Variants in FAM13A observed in about 807,000 individuals in gnomAD.
FAM13A encodes family with sequence similarity 13 member A.
A neutral mutation model predicts 129.6 loss-of-function variants in FAM13A; 76 were observed. The ratio of observed to expected loss-of-function variants is 0.59; its 90% CI spans 0.49 to 0.71. The LOEUF (loss-of-function observed/expected upper bound fraction) is 0.71. FAM13A is among the 30% of genes least tolerant of loss of function. The probability of loss-of-function intolerance (pLI) is 0.00; values close to 1 mark genes in which losing one functional copy is unlikely to be tolerated. For synonymous variants in FAM13A, 443 were observed against 449.9 expected (o/e 0.98, Z 0.20); for missense variants, 1,108 against 1,249.3 (o/e 0.89, Z 1.70).
intron 4 of FAM13A, among the ~76,000 whole-genome samples, chr4:88,950,231 A>G (rs913682572): frequency 6.6e-6 from 1 of 151,248 alleles, no homozygotes; most frequent in African/African-American, 2.4e-5. Context: ...TTTAAGAGAC[A>G]AGGTCTTGTT....
chr4:88,796,105 T>C (rs1405333996), intron 8 of FAM13A, among the ~76,000 whole-genome samples: 1 of 151,894 alleles, frequency 6.6e-6, no homozygotes, highest in African/African-American at 2.4e-5. Context: ...TATAACTTCT[T>C]ATTCTGAATG....
intron 8 of FAM13A, among the ~76,000 whole-genome samples, chr4:88,799,738 C>A (rs527252163): frequency 5.3e-5 from 8 of 152,236 alleles, no homozygotes; most frequent in Non-Finnish European, 1.2e-4. Flanking sequence ...CCGCCTTGGC[C>A]TCCCAAAGTG....
chr4:88,804,462 T>C (rs946881781), intron 8 of FAM13A, among the ~76,000 whole-genome samples: 1 of 152,134 alleles, frequency 6.6e-6, no homozygotes, highest in African/African-American at 2.4e-5. Context: ...GAAAACCCTA[T>C]CAGTACAGCA....
At chr4:88,793,569 GT>G (rs1725595630) in intron 8 of FAM13A, among the ~76,000 whole-genome samples, 1 of 151,964 alleles carries the variant, frequency 6.6e-6, no homozygotes, top group Non-Finnish European at 1.5e-5. Context: ...AGAAAAGAAA[GT>G]TCTGGTCTTG....
At chr4:88,876,702 C>T (rs1407111517) in intron 6 of FAM13A, among the ~76,000 whole-genome samples, 1 of 152,140 alleles carries the variant, frequency 6.6e-6, no homozygotes, top group Non-Finnish European at 1.5e-5. Context: ...TGCCATTCTC[C>T]TGCCTCGGCC....
rs1736380730 is a variant in FAM13A, at chr4:88,726,004, G to GAAAT, written c.*2525_*2528dup. On this transcript the variant is annotated 3_prime_UTR_variant, in exon 24 of 24. Transcript: ENST00000264344. Reference sequence around the variant, plus strand: ...AATTCTTAAGTTTACTTACACTTATGAAATAACTCTTGACATTTATTTTGT... The same window carrying GAAAT: ...AATTCTTAAGTTTACTTACACTTATGAAATAAATAACTCTTGACATTTATTTTGT... The GAAAT allele has an allele frequency of 6.6e-6, 1 of 152,198 alleles. No individual in the cohort carries two copies. Among genetic ancestry groups the GAAAT allele is most frequent in the Non-Finnish European group, 1.5e-5 (1 of 68,036 alleles). The allele number at this position is 152,198 out of a possible 1,614,324, so 9.4% of individuals were successfully genotyped here. A position where few individuals can be genotyped will look rare whatever the true frequency, so the allele number is the denominator to read the frequency against.
At chr4:89,007,590 G>A (rs906062971) in intron 3 of FAM13A, among the ~76,000 whole-genome samples, 2 of 152,156 alleles carry the variant, frequency 1.3e-5, no homozygotes, top group Non-Finnish European at 2.9e-5. Flanking sequence ...CAGAAACTGT[G>A]AGAGAAGATA....
chr4:88,926,897 G>C (rs1269574811), intron 5 of FAM13A, among the ~76,000 whole-genome samples: 2 of 151,956 alleles, frequency 1.3e-5, no homozygotes, highest in African/African-American at 2.4e-5. Context: ...ATATAATTAG[G>C]GGGACAGGTG....
intron 5 of FAM13A, among the ~76,000 whole-genome samples, chr4:88,912,392 T>C (rs1220867904): frequency 2.0e-5 from 3 of 152,054 alleles, no homozygotes; most frequent in Non-Finnish European, 4.4e-5. Context: ...CCTTTGGACT[T>C]TGGACTTGCA....
At chr4:88,911,120 G>A (rs551485620) in intron 5 of FAM13A, among the ~76,000 whole-genome samples, 6 of 152,276 alleles carry the variant, frequency 3.9e-5, no homozygotes, top group Admixed American at 2.6e-4. Flanking sequence ...CAAGCCCCTT[G>A]TGCATTCCTC....
At chr4:88,924,239 T>C (rs1436546695) in intron 5 of FAM13A, among the ~76,000 whole-genome samples, 11 of 152,156 alleles carry the variant, frequency 7.2e-5, no homozygotes, top group Non-Finnish European at 1.3e-4. Flanking sequence ...AGAGCCCGCA[T>C]CGCCAAGTCA....
At chr4:88,887,538 T>C (rs1008881795) in intron 6 of FAM13A, among the ~76,000 whole-genome samples, 2 of 150,468 alleles carry the variant, frequency 1.3e-5, no homozygotes, top group African/African-American at 2.4e-5. Context: ...TTCTTTCTTT[T>C]TTTTTTTTTT....
chr4:89,039,796 T>G (rs1415052090), intron 1 of FAM13A, among the ~76,000 whole-genome samples: 1 of 151,822 alleles, frequency 6.6e-6, no homozygotes, highest in African/African-American at 2.4e-5. Context: ...CAAAAAAAAT[T>G]TTTTTTAATT....
intron 6 of FAM13A, among the ~76,000 whole-genome samples, chr4:88,882,296 C>T (rs1445574306): frequency 6.6e-6 from 1 of 152,106 alleles, no homozygotes; most frequent in Non-Finnish European, 1.5e-5. Flanking sequence ...AGCAGAATCC[C>T]TACAAGCTAG....
intron 1 of FAM13A, among the ~76,000 whole-genome samples, chr4:89,052,886 A>G (rs1771787819): frequency 6.6e-6 from 1 of 152,162 alleles, no homozygotes; most frequent in Admixed American, 6.5e-5. Flanking sequence ...AGGAGAAACC[A>G]AGGGGGAGGA....
intron 6 of FAM13A, among the ~76,000 whole-genome samples, chr4:88,885,213 A>G (rs1438473919): frequency 2.6e-5 from 4 of 152,176 alleles, no homozygotes; most frequent in Admixed American, 2.6e-4. Context: ...ATCCAAAACT[A>G]AGCAAAAAGA....
At chr4:88,971,858 G>C (rs987825701) in intron 4 of FAM13A, among the ~76,000 whole-genome samples, 3 of 152,128 alleles carry the variant, frequency 2.0e-5, no homozygotes, top group African/African-American at 7.2e-5. Flanking sequence ...AAGGAAACTA[G>C]TTGAAACCCT....
At chr4:88,915,068 T>G (rs551717085) in intron 5 of FAM13A, among the ~76,000 whole-genome samples, 1 of 152,190 alleles carries the variant, frequency 6.6e-6, no homozygotes, top group East Asian at 1.9e-4. Flanking sequence ...AATACTGATA[T>G]GATTACAAAT....
At chr4:88,864,956 G>C (rs1259012316) in intron 6 of FAM13A, among the ~76,000 whole-genome samples, 1 of 152,082 alleles carries the variant, frequency 6.6e-6, no homozygotes, top group Non-Finnish European at 1.5e-5. Flanking sequence ...GTATTTCAAA[G>C]GAGTAATCAA....
Sources: allele counts gnomAD v4.1 joint callset (sites outside exome capture counted in the v4.1 genomes callset), GRCh38; gene constraint gnomAD v4.1.1; transcripts MANE v1.5; gene names NCBI Gene and HGNC (gene_info 2026-07-23, HGNC 2026-07-21).